OLFM3: variants seen among roughly 807,000 people sequenced by gnomAD.
OLFM3 encodes the protein olfactomedin 3.
Under a neutral mutation model 48.6 loss-of-function variants are expected in OLFM3, and 20 were observed. The observed-to-expected ratio is 0.41, with a 90% CI of 0.29 to 0.60. OLFM3 has a LOEUF of 0.60. Among genes scored for constraint, OLFM3 ranks in the 20% least tolerant of loss-of-function variants. The pLI, the probability that OLFM3 is intolerant of heterozygous loss-of-function variation, is 0.28. For synonymous variants in OLFM3, 222 were observed against 198.1 expected (o/e 1.12, Z -1.01); for missense variants, 437 against 544.3 (o/e 0.80, Z 1.96).
rs146002217 is a variant in OLFM3 at position 101,838,900 on chromosome 1, G to A, written c.70-1875C>T. 1.4e-3 allele frequency among the ~76,000 whole-genome samples: 217 copies of A among 152,280 alleles called. 1 individual carries two copies. The highest frequency in any genetic ancestry group is 5.0e-3 in the African/African-American group (208 of 41,558). On this transcript the variant is annotated intron_variant, in intron 1 of 5. Coordinates refer to ENST00000370103, the MANE Select transcript of OLFM3 (RefSeq NM_058170.4). The stretch of plus-strand genomic sequence containing the variant: ...CACAGCAGAAGAGACACAATCTCCC[G>A]TATACTTTGTCCTAGGTTCTAGCTC...
At position 101,825,207 on chromosome 1, in the gene OLFM3, G is replaced by T; in HGVS notation, c.411C>A (p.Ile137=). 13 of 1,613,986 alleles carry T rather than the reference G, an allele frequency of 8.1e-6. No homozygotes were observed. The highest frequency in any genetic ancestry group is 1.1e-5 in the Non-Finnish European group (13 of 1,179,938). ...CTGTTTTGTACTGTTCCAGCACGGG[G>T]ATCAAAGGCAGGAGCTCGTCCATTT... ...KEKMDELLPL[I]PVLEQYKTDA... Residue 137 remains isoleucine, a synonymous_variant, in exon 4 of 6, where the codon ATC becomes ATA. Transcript: ENST00000370103.
At chr1:101,974,511 G>T (rs1660894537) in intron 1 of OLFM3, among the ~76,000 whole-genome samples, 1 of 151,898 alleles carries the variant, frequency 6.6e-6, no homozygotes, top group South Asian at 2.1e-4. Context: ...ACATTGTAAC[G>T]GTGGCTCTTC....
intron 1 of OLFM3, among the ~76,000 whole-genome samples, chr1:101,905,906 A>C (rs922787596): frequency 6.6e-6 from 1 of 152,008 alleles, no homozygotes; most frequent in African/African-American, 2.4e-5. Context: ...GAAATGATCT[A>C]CTCTTATTGT....
chr1:101,939,977 C>T (rs550774265), intron 1 of OLFM3, among the ~76,000 whole-genome samples: 1 of 151,394 alleles, frequency 6.6e-6, no homozygotes, highest in South Asian at 2.1e-4. Flanking sequence ...TAATTCAGAA[C>T]CTATAAAATT....
rs549330892 is a variant in OLFM3 at position 101,937,473 on chromosome 1, C to T, written c.69+59275G>A. On this transcript the variant is annotated intron_variant, in intron 1 of 5. Coordinates refer to ENST00000370103, the MANE Select transcript of OLFM3 (RefSeq NM_058170.4). Reference sequence around the variant, plus strand: ...GGGCCCCGGTGGGAGGTAATTGAATCATGGCGGCCGGTCTTTCTCGTGCTG... The same window carrying T: ...GGGCCCCGGTGGGAGGTAATTGAATTATGGCGGCCGGTCTTTCTCGTGCTG... 3.3e-5 allele frequency among the ~76,000 whole-genome samples: 5 copies of T among 152,264 alleles called. No individual in the cohort carries two copies. In the South Asian group the frequency reaches 1.0e-3, roughly 32 times the overall value.
intron 1 of OLFM3, among the ~76,000 whole-genome samples, chr1:101,881,733 C>A (rs558974248): frequency 1.3e-5 from 2 of 151,446 alleles, no homozygotes; most frequent in African/African-American, 4.8e-5. Context: ...GTCTTTGAGG[C>A]GAATTACAAA....
At chr1:101,910,593 A>C (rs1222150031) in intron 1 of OLFM3, among the ~76,000 whole-genome samples, 3 of 152,220 alleles carry the variant, frequency 2.0e-5, no homozygotes, top group Non-Finnish European at 4.4e-5. Context: ...TATACATAAA[A>C]TATACTTAAA....
chr1:101,933,949 G>A (rs1045937279), intron 1 of OLFM3, among the ~76,000 whole-genome samples: 1 of 152,112 alleles, frequency 6.6e-6, no homozygotes, highest in African/African-American at 2.4e-5. Context: ...CTGCCTTGCA[G>A]GAGGTCCTTA....
intron 1 of OLFM3, among the ~76,000 whole-genome samples, chr1:101,964,462 T>C (rs1275807539): frequency 6.6e-6 from 1 of 152,132 alleles, no homozygotes; most frequent in Non-Finnish European, 1.5e-5. Flanking sequence ...AGAGACAGAC[T>C]GAGAGTAAAA....
intron 4 of OLFM3, among the ~76,000 whole-genome samples, chr1:101,823,293 C>T (rs978513018): frequency 2.0e-5 from 3 of 151,968 alleles, no homozygotes; most frequent in African/African-American, 7.3e-5. Context: ...AAGTGCCTAG[C>T]GAGGACACCA....
At chr1:101,856,508 C>A (rs959604283) in intron 1 of OLFM3, among the ~76,000 whole-genome samples, 1 of 151,986 alleles carries the variant, frequency 6.6e-6, no homozygotes, top group Non-Finnish European at 1.5e-5. Flanking sequence ...TGACTTACGT[C>A]TGAACATAGC....
chr1:101,861,171 C>T (rs1656638802), intron 1 of OLFM3, among the ~76,000 whole-genome samples: 1 of 151,940 alleles, frequency 6.6e-6, no homozygotes, highest in Non-Finnish European at 1.5e-5. Flanking sequence ...AAGCGATTCT[C>T]CTGCCTTGGC....
chr1:101,975,303 T>G (rs909217647), intron 1 of OLFM3, among the ~76,000 whole-genome samples: 1 of 152,190 alleles, frequency 6.6e-6, no homozygotes, highest in Non-Finnish European at 1.5e-5. Flanking sequence ...ATCACACACA[T>G]GCATTTAGTT....
chr1:101,929,826 G>A (rs1357093398), intron 1 of OLFM3, among the ~76,000 whole-genome samples: 1 of 151,946 alleles, frequency 6.6e-6, no homozygotes, highest in Non-Finnish European at 1.5e-5. Flanking sequence ...AGTTCTAAAT[G>A]TTTTAAGATC....
At chr1:101,969,271 CCT>C (rs1660709321) in intron 1 of OLFM3, among the ~76,000 whole-genome samples, 1 of 152,000 alleles carries the variant, frequency 6.6e-6, no homozygotes, top group South Asian at 2.1e-4. Context: ...TGCCTTAGCC[CCT>C]GAGTAGCTGG....
At chr1:101,849,319 G>A (rs765291610) in intron 1 of OLFM3, among the ~76,000 whole-genome samples, 2 of 152,196 alleles carry the variant, frequency 1.3e-5, no homozygotes, top group Non-Finnish European at 2.9e-5. Flanking sequence ...TGGGAGAAAG[G>A]ATTAGTCTAT....
chr1:101,910,764 A>G (rs576373787), intron 1 of OLFM3, among the ~76,000 whole-genome samples: 8 of 152,304 alleles, frequency 5.3e-5, no homozygotes, highest in Admixed American at 3.3e-4. Flanking sequence ...AAATAGCACA[A>G]TGAAGAATTA....
At chr1:101,970,393 T>C (rs1660748296) in intron 1 of OLFM3, among the ~76,000 whole-genome samples, 1 of 152,208 alleles carries the variant, frequency 6.6e-6, no homozygotes, top group African/African-American at 2.4e-5. Flanking sequence ...AAGTAGAGAA[T>C]GGGGAAAAGT....
intron 1 of OLFM3, among the ~76,000 whole-genome samples, chr1:101,954,797 G>T (rs1454437257): frequency 6.6e-6 from 1 of 152,026 alleles, no homozygotes; most frequent in African/African-American, 2.4e-5. Flanking sequence ...CATTTAATTG[G>T]CTATTGTGCT....
Sources: allele counts gnomAD v4.1 joint callset (sites outside exome capture counted in the v4.1 genomes callset), GRCh38; gene constraint gnomAD v4.1.1; transcripts MANE v1.5; gene names NCBI Gene and HGNC (gene_info 2026-07-23, HGNC 2026-07-21).